The following CCDC80 variants were observed in gnomAD, a reference collection of about 807,000 sequenced individuals.
CCDC80 encodes coiled-coil domain-containing protein 80.
In CCDC80, 49 loss-of-function variants were observed where a neutral mutation model predicts 78.7. The ratio of observed to expected loss-of-function variants is 0.62; its 90% CI spans 0.50 to 0.79. The LOEUF (loss-of-function observed/expected upper bound fraction) is 0.79. CCDC80 is among the 30% of genes least tolerant of loss of function. The pLI is 0.00. For missense variants in CCDC80, 1,205 were observed against 1,198.6 expected, an observed-to-expected ratio of 1.01 and a Z score of -0.08; for synonymous variants, 488 against 447.0, an observed-to-expected ratio of 1.09 and a Z score of -1.16.
intron 6 of CCDC80, 117 bp from the exon 7 acceptor site, chr3:112,607,373 T>C (rs1935534828): frequency 3.1e-6 from 2 of 642,060 alleles, no homozygotes; most frequent in African/African-American, 3.7e-5. Context: ...ATATAGAGCA[T>C]AACCCGATTG....
chr3:112,611,783 A>C (rs1160767093), intron 5 of CCDC80, among the ~76,000 whole-genome samples: 2 of 152,326 alleles, frequency 1.3e-5, no homozygotes, highest in East Asian at 3.9e-4. Context: ...CCTTCAGTGC[A>C]GGTGACCGCA....
At position 112,639,132 on chromosome 3, in the gene CCDC80, G is replaced by A. The variant is rs777806196; in HGVS notation, c.774C>T (p.Tyr258=). The change falls in exon 2 of 8, where the codon TAC becomes TAT. Residue 258 remains tyrosine (Y), a synonymous_variant. Transcript: ENST00000206423. ...GGATGGGGCCTTGGTCGATGACCTC[G>A]TACATGGCTTCCAGCCTAACGGGAT... is the stretch of plus-strand genomic sequence containing the variant. ...YPYPVRLEAM[Y]EVIDQGPIRR... 1.2e-6 allele frequency: 2 copies of A among 1,614,106 alleles called. No individual in the cohort carries two copies. The highest frequency in any genetic ancestry group is 1.1e-5 in the South Asian group (1 of 91,076).
chr3:112,608,989 A>G (rs1193976785), intron 6 of CCDC80, among the ~76,000 whole-genome samples: 1 of 152,196 alleles, frequency 6.6e-6, no homozygotes, highest in Admixed American at 6.5e-5. Context: ...TTTTGTAACT[A>G]GTAGATGATT....
rs753614708 is a variant in CCDC80, at chr3:112,639,113, G to C, written c.793C>G (p.Pro265Ala). Residue 265 changes from proline (P) to alanine (A), a missense_variant, in exon 2 of 8, where the codon CCC becomes GCC. Transcript: ENST00000206423. Reference sequence around the variant, plus strand: ...CTGATCTTCTCGATCCTACGGATGGGGCCTTGGTCGATGACCTCGTACATG... The same window carrying C: ...CTGATCTTCTCGATCCTACGGATGGCGCCTTGGTCGATGACCTCGTACATG... ...EAMYEVIDQG[P>A]IRRIEKIRQK... 2 of 1,614,106 alleles carry C rather than the reference G, an allele frequency of 1.2e-6. No homozygotes were observed. The highest frequency in any genetic ancestry group is 1.7e-6 in the Non-Finnish European group (2 of 1,180,036).
At position 112,639,368 on chromosome 3, in the gene CCDC80, C is replaced by T. The variant is rs1351714752; in HGVS notation, c.538G>A (p.Ala180Thr). 2.5e-6 allele frequency: 4 copies of T among 1,614,194 alleles called. No individual in the cohort carries two copies. The highest frequency in any genetic ancestry group is 1.1e-5 in the South Asian group (1 of 91,084). Residue 180 changes from alanine to threonine, a missense_variant, in exon 2 of 8, where the codon GCG (alanine) becomes ACG (threonine). Ala to Thr is a moderately conservative substitution (Grantham distance 58). Coordinates refer to ENST00000206423, the MANE Select transcript of CCDC80 (RefSeq NM_199511.3). ...LLKDDVYCEL[A>T]ERHIQQIVLF... ...ACAATCTGTTGGATGTGCCTCTCCGCCAGCTCACAGTACACATCGTCCTTC... is the reference window on the plus strand; with the variant it reads ...ACAATCTGTTGGATGTGCCTCTCCGTCAGCTCACAGTACACATCGTCCTTC...
At chr3:112,615,516 G>A (rs1216396020) in intron 5 of CCDC80, among the ~76,000 whole-genome samples, 2 of 151,974 alleles carry the variant, frequency 1.3e-5, no homozygotes, top group Non-Finnish European at 1.5e-5. Flanking sequence ...GGGAGGGGAG[G>A]GGAAGGGAGA....
intron 7 of CCDC80, among the ~76,000 whole-genome samples, chr3:112,606,732 G>A (rs1167494088): frequency 2.0e-5 from 3 of 152,036 alleles, no homozygotes; most frequent in Non-Finnish European, 2.9e-5. Flanking sequence ...GCTTCTCTGA[G>A]CCTTTTAGTG....
chr3:112,638,653 G>A lies in CCDC80; in HGVS notation c.1253C>T (p.Ser418Phe). 2.5e-6 allele frequency: 4 copies of A among 1,614,074 alleles called. No individual in the cohort carries two copies. Among genetic ancestry groups the A allele is most frequent in the Non-Finnish European group, 3.4e-6 (4 of 1,180,016 alleles). The change falls in exon 2 of 8, where the codon TCC becomes TTC. Residue 418 changes from serine to phenylalanine, a missense_variant. Physicochemically the swap from Ser to Phe is radical, Grantham distance 155. Coordinates refer to ENST00000206423, the MANE Select transcript of CCDC80 (RefSeq NM_199511.3). The part of the protein sequence containing the change: ...PSVSENLYPP[S>F]RKDQHRERPQ... ...CCTCTCCCTGTGCTGATCCTTCCGGGATGGAGGGTAAAGATTCTCTGAAAC... is the reference window on the plus strand; with the variant it reads ...CCTCTCCCTGTGCTGATCCTTCCGGAATGGAGGGTAAAGATTCTCTGAAAC...
rs775734583 is a variant in CCDC80 at position 112,605,472 on chromosome 3, C to T, written c.2798G>A (p.Gly933Asp). The change falls in exon 8 of 8, where the codon GGT (glycine) becomes GAT (aspartate). Residue 933 changes from glycine to aspartate, a missense_variant. Transcript: ENST00000206423. ...ATGATGACGGTAGTCATCCTGGTAA[C>T]CATCCTGGTATCCTTGGTGGTAACT... ...YHSYHQGYQD[G>D]YQDDYRHHES... 1.2e-6 allele frequency: 2 copies of T among 1,614,150 alleles called. No individual in the cohort carries two copies. Among genetic ancestry groups the T allele is most frequent in the South Asian group, 1.1e-5 (1 of 91,082 alleles).
At chr3:112,626,214 T>G (rs1935968438) in intron 3 of CCDC80, among the ~76,000 whole-genome samples, 3 of 152,166 alleles carry the variant, frequency 2.0e-5, no homozygotes, top group African/African-American at 7.2e-5. Flanking sequence ...GGGCACAGAA[T>G]GATTGATAAG....
At position 112,598,287 on chromosome 3, in the gene CCDC80, C is replaced by T. The variant is rs1407938425; in HGVS notation, c.*7130G>A. The T allele has an allele frequency of 6.6e-6, 1 of 152,102 alleles. No homozygotes were observed. The highest frequency in any genetic ancestry group is 1.9e-4 in the East Asian group (1 of 5,132). The allele number at this position is 152,102 out of a possible 1,614,324, so 9.4% of individuals were successfully genotyped here. On this transcript the variant is annotated 3_prime_UTR_variant, in exon 8 of 8. Transcript: ENST00000206423. Reference sequence around the variant, plus strand: ...ACTGGCTGTCTTCCAGAAATGGTTTCCCAAGGTGTTCCCTACCTCTCTTTT... The same window carrying T: ...ACTGGCTGTCTTCCAGAAATGGTTTTCCAAGGTGTTCCCTACCTCTCTTTT...
Position 112,619,089 on chromosome 3 carries a change from A to C in CCDC80, c.2051T>G (p.Met684Arg). ...DHFQLDNEKP[M>R]RVVDDEDLVD... Reference sequence around the variant, plus strand: ...CAAGTCTTCATCATCCACCACTCGCATGGGCTTCTCATTATCTTAAGGGAA... The same window carrying C: ...CAAGTCTTCATCATCCACCACTCGCCTGGGCTTCTCATTATCTTAAGGGAA... The change falls in exon 4 of 8, where the codon ATG (methionine) becomes AGG (arginine). Residue 684 changes from methionine to arginine, a missense_variant. Met to Arg is a moderately conservative substitution (Grantham distance 91). Coordinates refer to ENST00000206423, the MANE Select transcript of CCDC80 (RefSeq NM_199511.3). The C allele has an allele frequency of 6.3e-7, 1 of 1,594,388 alleles. No homozygotes were observed. The highest frequency in any genetic ancestry group is 1.7e-4 in the Middle Eastern group (1 of 5,964).
At chr3:112,624,200 A>G (rs1935920741) in intron 3 of CCDC80, among the ~76,000 whole-genome samples, 1 of 152,246 alleles carries the variant, frequency 6.6e-6, no homozygotes, top group African/African-American at 2.4e-5. Flanking sequence ...AACACAGTCT[A>G]ATGTAATTTG....
chr3:112,616,089 CAGAT>C (rs1935735193), intron 5 of CCDC80, among the ~76,000 whole-genome samples: 1 of 152,190 alleles, frequency 6.6e-6, no homozygotes, highest in Non-Finnish European at 1.5e-5. Flanking sequence ...TGTCCTGTAA[CAGAT>C]GGAGTTGTTT....
Position 112,610,037 on chromosome 3 carries a change from T to C in CCDC80, c.2366A>G (p.Asp789Gly). 1.9e-6 allele frequency: 3 copies of C among 1,613,960 alleles called. No individual in the cohort carries two copies. The highest frequency in any genetic ancestry group is 1.1e-5 in the South Asian group (1 of 91,080). ...CTGCTGTGAATAGGCCCAGTCTTCA[T>C]CGTTAGGAGCAGAGATCACCAGCAA... ...RRLLVISAPN[D>G]EDWAYSQQLS... is the part of the protein sequence containing the mutation. Residue 789 changes from aspartate to glycine, a missense_variant, in exon 6 of 8, where the codon GAT becomes GGT. Coordinates refer to ENST00000206423, the MANE Select transcript of CCDC80 (RefSeq NM_199511.3).
intron 5 of CCDC80, among the ~76,000 whole-genome samples, chr3:112,614,079 T>C (rs2107475971): frequency 6.6e-6 from 1 of 152,282 alleles, no homozygotes; most frequent in African/African-American, 2.4e-5. Flanking sequence ...ATTTGTAAAA[T>C]TAACTTATTA....
chr3:112,628,948 T>C (rs1359048345), intron 3 of CCDC80, among the ~76,000 whole-genome samples: 1 of 152,178 alleles, frequency 6.6e-6, no homozygotes, highest in Non-Finnish European at 1.5e-5. Context: ...TACTGTATTG[T>C]GCACTTAAAA....
intron 7 of CCDC80, among the ~76,000 whole-genome samples, chr3:112,606,057 A>G (rs1935481232): frequency 6.6e-6 from 1 of 152,248 alleles, no homozygotes; most frequent in Admixed American, 6.5e-5. Flanking sequence ...TAATTTCTTT[A>G]AAATTTGTCA....
rs528426476 is a variant in CCDC80 at position 112,640,847 on chromosome 3, A to G, written c.-532T>C. 4 of 152,310 alleles carry G rather than the reference A, an allele frequency of 2.6e-5. No individual in the cohort carries two copies. Among genetic ancestry groups the G allele is most frequent in the African/African-American group, 9.6e-5 (4 of 41,552 alleles). 9.4% of individuals were successfully genotyped at this position (152,310 alleles called of 1,614,324 possible). A position where few individuals can be genotyped will look rare whatever the true frequency, so the allele number is the denominator to read the frequency against. On this transcript the variant is annotated 5_prime_UTR_variant, in exon 1 of 8. Coordinates refer to ENST00000206423, the MANE Select transcript of CCDC80 (RefSeq NM_199511.3). ...TAATATGTTTTCCAGGCTGAGGGAA[A>G]ACACAGGAATGTGATGTCGAAAAGG...
Sources: allele counts gnomAD v4.1 joint callset (sites outside exome capture counted in the v4.1 genomes callset), GRCh38; gene constraint gnomAD v4.1.1; transcripts MANE v1.5; gene names NCBI Gene and HGNC (gene_info 2026-07-23, HGNC 2026-07-21).